AVIL: variants seen among roughly 807,000 people sequenced by gnomAD.
The protein encoded by AVIL is advillin.
In AVIL, 78 loss-of-function variants were observed where a neutral mutation model predicts 109.9. That is an observed-to-expected ratio of 0.71 (90% CI 0.59 to 0.86). AVIL has a LOEUF of 0.86. AVIL is among the 40% of genes least tolerant of loss of function. The pLI is 0.00. For missense variants in AVIL, 892 were observed against 1,016.5 expected (o/e 0.88, Z 1.67); for synonymous variants, 367 against 379.1 (o/e 0.97, Z 0.37).
rs1327328563 is a variant in AVIL, at chr12:57,803,255, A to T, written c.1954T>A (p.Trp652Arg). ...NPTDVMLLDTWDQVFLWIGAE... is the reference protein window; with the variant it reads ...NPTDVMLLDTRDQVFLWIGAE... ...CTGCAGCTGTGTCTTACCTGGTCCC[A>T]GGTATCTAGGAGCATCACGTCAGTA... Residue 652 changes from tryptophan to arginine, a missense_variant, in exon 16 of 20, where the codon TGG becomes AGG. Coordinates refer to ENST00000549994, the MANE Select transcript of AVIL (RefSeq NM_006576.4). The T allele has an allele frequency of 6.2e-7, 1 of 1,613,908 alleles. No homozygotes were observed. Among genetic ancestry groups the T allele is most frequent in the East Asian group, 2.2e-5 (1 of 44,898 alleles).
At chr12:57,813,149 G>C in intron 4 of AVIL, 78 bp downstream of exon 4, 2 of 1,447,678 alleles carry the variant, frequency 1.4e-6, no homozygotes, top group Non-Finnish European at 1.9e-6. Flanking sequence ...TTACTTTCTT[G>C]ATAATGCATG....
rs1477199926 is a variant in AVIL at position 57,797,699 on chromosome 12, G to A, written c.*183C>T. ...AAAAACTATATGGTTAACATTTTAG[G>A]TATATAACAAGCAAGGAATGCAAGG... On this transcript the variant is annotated 3_prime_UTR_variant, in exon 20 of 20. Transcript: ENST00000549994. 2.5e-5 allele frequency: 18 copies of A among 719,410 alleles called. No homozygotes were observed. The highest frequency in any genetic ancestry group is 1.7e-5 in the Non-Finnish European group (9 of 529,758). The allele number at this position is 719,410 out of a possible 1,614,324, so 44.6% of individuals were successfully genotyped here. A position where few individuals can be genotyped will look rare whatever the true frequency, so the allele number is the denominator to read the frequency against.
At chr12:57,814,460 TC>T in intron 2 of AVIL, 2 of 515,438 alleles carry the variant, frequency 3.9e-6, no homozygotes, top group South Asian at 4.5e-5. Flanking sequence ...TATCCTGCTT[TC>T]CCTTGCCCTA....
chr12:57,808,380 TG>T lies in AVIL; in HGVS notation c.1093+14del. ...GAGTCTTAGCAATGAGAGGATGATC[TG>T]GGGGCAGTCTCACCAATTTTACCAA... On this transcript the variant is annotated intron_variant, in intron 10 of 19. Transcript: ENST00000549994. 6.2e-7 allele frequency: 1 copy of T among 1,614,152 alleles called. No individual in the cohort carries two copies. Among genetic ancestry groups the T allele is most frequent in the Non-Finnish European group, 8.5e-7 (1 of 1,179,986 alleles).
chr12:57,811,165 A>G (rs763106918), intron 4 of AVIL, 38 bp from the exon 5 acceptor site: 11 of 1,594,358 alleles, frequency 6.9e-6, no homozygotes, highest in Admixed American at 1.7e-5. Flanking sequence ...AGTGCCTGCT[A>G]TGTGCTAGGT....
Position 57,798,100 on chromosome 12 carries a change from G to T in AVIL, c.2347-105C>A, listed in dbSNP as rs1955772552. ...AGGGAGTTCTAGGTGGATCCTTGAA[G>T]AGGGAAGTAGAATGAATTTCTCAGA... On this transcript the variant is annotated intron_variant, in intron 19 of 19. Coordinates refer to ENST00000549994, the MANE Select transcript of AVIL (RefSeq NM_006576.4). The T allele has an allele frequency of 4.9e-6, 3 of 615,210 alleles. No individual in the cohort carries two copies. In the East Asian group the frequency reaches 9.5e-5, roughly 19 times the overall value. The allele number at this position is 615,210 out of a possible 1,614,324, so 38.1% of individuals were successfully genotyped here. A position where few individuals can be genotyped will look rare whatever the true frequency, so the allele number is the denominator to read the frequency against.
chr12:57,803,724 T>A, intron 14 of AVIL, 55 bp from the exon 15 acceptor site: 2 of 1,588,892 alleles, frequency 1.3e-6, no homozygotes, highest in Non-Finnish European at 1.7e-6. Context: ...CACTTCGATG[T>A]GGAAAGAAAA....
In AVIL at chr12:57,801,171, A is replaced by G. The variant is rs111647711; in HGVS notation, c.2193T>C (p.Asp731=). The change falls in exon 18 of 20, where the codon GAT becomes GAC. Residue 731 remains aspartate (D), a synonymous_variant. Coordinates refer to ENST00000549994, the MANE Select transcript of AVIL (RefSeq NM_006576.4). ...CAGTGATTCGCATGATAGCAGCAGC[A>G]TCTCCCAGCTCTTCTTTTAATTGTT... ...TYEQLKEELG[D]AAAIMRITAD... 9,362 of 1,613,714 alleles carry G rather than the reference A, an allele frequency of 5.8e-3. 282 individuals carry two copies. In the South Asian group the frequency reaches 0.063, roughly 11 times the overall value.
In AVIL at chr12:57,807,346, C is replaced by T. The variant is rs77251892; in HGVS notation, c.1476G>A (p.Lys492=). 2,174 of 1,614,212 alleles carry T rather than the reference C, an allele frequency of 1.3e-3. 23 individuals are homozygous for T. The African/African-American group carries it at 0.026, about 19-fold the overall frequency. ...PRHFMAIFKG[K]LVIFEGGTSR... is the part of the protein sequence containing the mutation. ...GCATCCTCACCTCAAAGATAACTAG[C>T]TTCCCTTTGAAGATGGCCATGAAGT... The change falls in exon 13 of 20, where the codon AAG becomes AAA. Residue 492 remains lysine (K), a synonymous_variant. Coordinates refer to ENST00000549994, the MANE Select transcript of AVIL (RefSeq NM_006576.4).
intron 4 of AVIL, 114 bp from the exon 5 acceptor site, chr12:57,811,241 G>C: frequency 1.0e-6 from 1 of 971,326 alleles, no homozygotes; most frequent in Non-Finnish European, 1.6e-6. Context: ...ACATCAGCAA[G>C]GTAAATACAG....
In AVIL at chr12:57,803,578, G is replaced by A; in HGVS notation, c.1763C>T (p.Pro588Leu). The change falls in exon 15 of 20, where the codon CCA becomes CTA. Residue 588 changes from proline (P) to leucine (L), a missense_variant. Physicochemically the swap from Pro to Leu is moderately conservative, Grantham distance 98. Coordinates refer to ENST00000549994, the MANE Select transcript of AVIL (RefSeq NM_006576.4). ...SENTVAEGQE[P>L]AEFWDLLGGK... Reference sequence around the variant, plus strand: ...TCCCAGTAGGTCCCAGAACTCGGCTGGCTCCTGGCCCTCGGCCACAGTGTT... The same window carrying A: ...TCCCAGTAGGTCCCAGAACTCGGCTAGCTCCTGGCCCTCGGCCACAGTGTT... 6.2e-7 allele frequency: 1 copy of A among 1,614,178 alleles called. No individual in the cohort carries two copies.
intron 18 of AVIL, 127 bp downstream of exon 18, chr12:57,801,017 A>G (rs1490563598): frequency 1.4e-6 from 1 of 710,286 alleles, no homozygotes; most frequent in African/African-American, 1.8e-5. Context: ...AAGTCTTTAC[A>G]TCAAAACAGA....
rs555506555 is a variant in AVIL at position 57,801,160 on chromosome 12, A to T, written c.2204T>A (p.Ile735Asn). Residue 735 changes from isoleucine (I) to asparagine (N), a missense_variant, in exon 18 of 20, where the codon ATC (isoleucine) becomes AAC (asparagine). Coordinates refer to ENST00000549994, the MANE Select transcript of AVIL (RefSeq NM_006576.4). ...LKEELGDAAA[I>N]MRITADMKNA... ...CCGACTCACAGCAGTGATTCGCATG[A>T]TAGCAGCAGCATCTCCCAGCTCTTC... is the stretch of plus-strand genomic sequence containing the variant. 6.2e-7 allele frequency: 1 copy of T among 1,613,784 alleles called. No individual in the cohort carries two copies. Among genetic ancestry groups the T allele is most frequent in the Admixed American group, 1.7e-5 (1 of 60,014 alleles).
chr12:57,807,443 G>GC lies in AVIL; in HGVS notation c.1378dup (p.Ala460GlyfsTer9). On this transcript the variant is annotated frameshift_variant, in exon 13 of 20. Coordinates refer to ENST00000549994, the MANE Select transcript of AVIL (RefSeq NM_006576.4). LOFTEE classifies it high-confidence loss of function. ...ATCAAACTGCCGATCCACCTCCACTGCCTGGTATGCTGAGGCTGCCAGCTC... is the reference window on the plus strand; with the variant it reads ...ATCAAACTGCCGATCCACCTCCACTGCCCTGGTATGCTGAGGCTGCCAGCTC... The GC allele has an allele frequency of 1.9e-6, 3 of 1,614,220 alleles. No homozygotes were observed. The highest frequency in any genetic ancestry group is 2.5e-6 in the Non-Finnish European group (3 of 1,180,052).
chr12:57,807,202 C>G (rs1219321767), intron 13 of AVIL, 129 bp downstream of exon 13: 1 of 1,362,642 alleles, frequency 7.3e-7, no homozygotes. Context: ...GGATTAACCC[C>G]CTTCTTCCTC....
At chr12:57,812,233 T>C (rs566203635) in intron 4 of AVIL, among the ~76,000 whole-genome samples, 2 of 152,316 alleles carry the variant, frequency 1.3e-5, no homozygotes, top group East Asian at 3.9e-4. Context: ...AGGGTCTTAC[T>C]GTGTTGCCTA....
intron 16 of AVIL, 84 bp from the exon 17 acceptor site, chr12:57,802,432 C>T: frequency 6.8e-7 from 1 of 1,467,602 alleles, no homozygotes; most frequent in South Asian, 1.2e-5. Flanking sequence ...CTATCTTTCC[C>T]CTTTCTTTCG....
At position 57,810,823 on chromosome 12, in the gene AVIL, C is replaced by T. The variant is rs61938187; in HGVS notation, c.551G>A (p.Arg184His). 7,799 of 1,614,030 alleles carry T rather than the reference C, an allele frequency of 4.8e-3. 24 individuals carry two copies. Among genetic ancestry groups the T allele is most frequent in the East Asian group, 5.9e-3 (264 of 44,884 alleles). The change falls in exon 6 of 20, where the codon CGC becomes CAC. Residue 184 changes from arginine (R) to histidine (H), a missense_variant. By Grantham distance (29) the Arg-to-His change is conservative. Transcript: ENST00000549994. ...WNGPESNSGE[R>H]LKAMLLAKDI... The stretch of plus-strand genomic sequence containing the variant: ...AAGGCTAGGAAGCCATACCTTCAGG[C>T]GCTCCCCACTGTTGCTCTCTGGGCC...
intron 2 of AVIL, chr12:57,814,504 C>T (rs764647038): frequency 5.0e-6 from 2 of 401,222 alleles, no homozygotes; most frequent in Non-Finnish European, 9.4e-6. Flanking sequence ...GATCTCATCT[C>T]GCACTATTGT....
Sources: gnomAD v4.1 joint callset for allele counts (sites outside exome capture counted in the v4.1 genomes callset) on GRCh38, gnomAD v4.1.1 for gene constraint, MANE v1.5 for transcripts, NCBI Gene and HGNC (gene_info 2026-07-23, HGNC 2026-07-21) for gene names.